Variants in SETD2 observed in about 807,000 individuals in gnomAD.
The protein encoded by SETD2 is histone-lysine N-methyltransferase SETD2.
SETD2 carries 31 observed loss-of-function variants against 242.1 expected under a neutral mutation model. That is an observed-to-expected ratio of 0.13 (90% CI 0.10 to 0.17). The LOEUF is 0.17. Among genes scored for constraint, SETD2 ranks in the 10% least tolerant of loss-of-function variants. SETD2 has a pLI of 1.00. For synonymous variants in SETD2, 1,006 were observed against 1,066.5 expected, an observed-to-expected ratio of 0.94 and a Z score of 1.11; for missense variants, 2,481 against 3,046.3, an observed-to-expected ratio of 0.81 and a Z score of 4.37.
chr3:47,138,712 C>T (rs1396891693), intron 1 of SETD2, among the ~76,000 whole-genome samples: 3 of 152,078 alleles, frequency 2.0e-5, no homozygotes, highest in African/African-American at 7.2e-5. Context: ...TGAGCCACCG[C>T]GCCCAGTCAA....
intron 1 of SETD2, among the ~76,000 whole-genome samples, chr3:47,132,007 A>G (rs763627569): frequency 6.6e-6 from 1 of 151,356 alleles, no homozygotes; most frequent in African/African-American, 2.4e-5. Context: ...TGAACTCCTG[A>G]CCTCGTGATC....
At chr3:47,149,967 C>G (rs2043944788) in intron 1 of SETD2, among the ~76,000 whole-genome samples, 1 of 147,940 alleles carries the variant, frequency 6.8e-6, no homozygotes, top group African/African-American at 2.5e-5. Context: ...ACAAAAGCCT[C>G]TATTTTTGGA....
At position 47,043,039 on chromosome 3, in the gene SETD2, A is replaced by G. The variant is rs545414411; in HGVS notation, c.7099-339T>C. 9.2e-5 allele frequency among the ~76,000 whole-genome samples: 14 copies of G among 151,870 alleles called. No individual in the cohort carries two copies. The South Asian group carries it at 2.5e-3, about 27-fold the overall frequency. On this transcript the variant is annotated intron_variant, in intron 16 of 20. Coordinates refer to ENST00000409792, the MANE Select transcript of SETD2 (RefSeq NM_014159.7). ...ATACAGAAATATCTTTATCTTTAAA[A>G]AAAAAAAAAAAGAAAAACCAAAAAA...
intron 1 of SETD2, among the ~76,000 whole-genome samples, chr3:47,135,381 C>T (rs1160825586): frequency 2.0e-5 from 3 of 152,130 alleles, no homozygotes; most frequent in Non-Finnish European, 4.4e-5. Flanking sequence ...CTCAAGCTGT[C>T]CTCCCACTTC....
chr3:47,056,975 T>C lies in SETD2; in HGVS notation c.6809A>G (p.Tyr2270Cys). The C allele has an allele frequency of 6.2e-7, 1 of 1,614,270 alleles. No homozygotes were observed. The highest frequency in any genetic ancestry group is 8.5e-7 in the Non-Finnish European group (1 of 1,180,046). Reference sequence around the variant, plus strand: ...CTGTTGGTTTGAATCCCAAACACTATAATTCTGTCCCTGAACTGGGCCGGG... The same window carrying C: ...CTGTTGGTTTGAATCCCAAACACTACAATTCTGTCCCTGAACTGGGCCGGG... ...PAPGPVQGQN[Y>C]SVWDSNQQSV... Residue 2270 changes from tyrosine (Y) to cysteine (C), a missense_variant, in exon 15 of 21, where the codon TAT (tyrosine) becomes TGT (cysteine). By Grantham distance (194) the Tyr-to-Cys change is radical. This residue lies in a region of SETD2 where 235 missense variants were observed against 293.9 expected (regional missense o/e 0.80). Transcript: ENST00000409792.
At chr3:47,078,488 T>C (rs1332518679) in intron 12 of SETD2, among the ~76,000 whole-genome samples, 1 of 147,004 alleles carries the variant, frequency 6.8e-6, no homozygotes, top group East Asian at 2.0e-4. Context: ...TACAACTCAA[T>C]TAATGTGTGC....
At chr3:47,080,778 T>C (rs920185764) in intron 12 of SETD2, 4 of 985,416 alleles carry the variant, frequency 4.1e-6, no homozygotes, top group East Asian at 1.1e-4. Flanking sequence ...CCTGTGTATA[T>C]AGGTATAGAA....
intron 12 of SETD2, among the ~76,000 whole-genome samples, chr3:47,068,787 G>A (rs1368395067): frequency 5.4e-5 from 8 of 147,436 alleles, no homozygotes; most frequent in African/African-American, 1.8e-4. Context: ...AAGCCACTGC[G>A]CCCGGCCTAT....
chr3:47,122,967 A>G lies in SETD2; in HGVS notation c.1669T>C (p.Ser557Pro), dbSNP rs745846357. 36 of 1,613,868 alleles carry G rather than the reference A, an allele frequency of 2.2e-5. No homozygotes were observed. Among genetic ancestry groups the G allele is most frequent in the Admixed American group, 5.0e-5 (3 of 59,988 alleles). ...KHDSSASRYK[S>P]TLSKPIPKSD... is the part of the protein sequence containing the mutation. ...TTGGGTATAGGTTTTGAAAGGGTAG[A>G]TTTATAACGGGAAGCACTACTGTCA... The change falls in exon 3 of 21, where the codon TCT becomes CCT. Residue 557 changes from serine to proline, a missense_variant. By Grantham distance (74) the Ser-to-Pro change is moderately conservative. Coordinates refer to ENST00000409792, the MANE Select transcript of SETD2 (RefSeq NM_014159.7).
rs879342445 is a variant in SETD2 at position 47,146,938 on chromosome 3, C to CA, written c.71+16915dup. Among the ~76,000 whole-genome samples the CA allele has an allele frequency of 8.4e-3, 931 of 111,348 alleles. 8 individuals carry two copies. The highest frequency in any genetic ancestry group is 0.024 in the African/African-American group (723 of 29,812). The allele number at this position is 111,348 out of a possible 152,430, so 73.0% of individuals were successfully genotyped here. Reference sequence around the variant, plus strand: ...AGGTGACAGAGTGAGACCCTGTCTTCAAAAAAAAAAAAAAATTCCTTCATA... The same window carrying CA: ...AGGTGACAGAGTGAGACCCTGTCTTCAAAAAAAAAAAAAAAATTCCTTCATA... On this transcript the variant is annotated intron_variant, in intron 1 of 20. Coordinates refer to ENST00000409792, the MANE Select transcript of SETD2 (RefSeq NM_014159.7).
intron 18 of SETD2, among the ~76,000 whole-genome samples, chr3:47,033,611 T>C (rs1473855364): frequency 6.6e-6 from 1 of 151,018 alleles, no homozygotes; most frequent in Admixed American, 6.6e-5. Context: ...TCTTAACACT[T>C]GCACTCAAGT....
chr3:47,151,764 T>C (rs1413232396), intron 1 of SETD2, among the ~76,000 whole-genome samples: 1 of 149,296 alleles, frequency 6.7e-6, no homozygotes, highest in African/African-American at 2.5e-5. Context: ...GAAGCGGAGG[T>C]TGCAGAGAGC....
At chr3:47,140,410 T>C (rs1399044287) in intron 1 of SETD2, among the ~76,000 whole-genome samples, 1 of 152,256 alleles carries the variant, frequency 6.6e-6, no homozygotes, top group Non-Finnish European at 1.5e-5. Flanking sequence ...TCCAGTAATT[T>C]TACTCATTAC....
chr3:47,136,005 A>C (rs2043582190), intron 1 of SETD2, among the ~76,000 whole-genome samples: 1 of 151,976 alleles, frequency 6.6e-6, no homozygotes, highest in Non-Finnish European at 1.5e-5. Context: ...ACTCCTCCTT[A>C]ATCTCATTTG....
chr3:47,148,110 TTTGTTG>T (rs144690368), intron 1 of SETD2, among the ~76,000 whole-genome samples: 88,374 of 148,720 alleles, frequency 0.59, 26,408 homozygotes, highest in East Asian at 0.68. Flanking sequence ...TTGGTTGTGT[TTTGTTG>T]TTGTTGTTGT....
In SETD2 at chr3:47,084,394, T is replaced by TAA; in HGVS notation, c.5398-14_5398-13dup. On this transcript the variant is annotated splice_polypyrimidine_tract_variant and intron_variant, in intron 11 of 20. Coordinates refer to ENST00000409792, the MANE Select transcript of SETD2 (RefSeq NM_014159.7). ...AAAGTCTTTATAATCTGATTAAACATAAAAAAAAATTACATCACTTTGTAC... is the reference window on the plus strand; with the variant it reads ...AAAGTCTTTATAATCTGATTAAACATAAAAAAAAAAATTACATCACTTTGTAC... 1 of 1,493,054 alleles carries TAA rather than the reference T, an allele frequency of 6.7e-7. No individual in the cohort carries two copies. Among genetic ancestry groups the TAA allele is most frequent in the Non-Finnish European group, 9.1e-7 (1 of 1,097,888 alleles). 92.5% of individuals were successfully genotyped at this position (1,493,054 alleles called of 1,614,324 possible). A position where few individuals can be genotyped will look rare whatever the true frequency, so the allele number is the denominator to read the frequency against.
At chr3:47,046,791 T>C (rs758817105) in intron 15 of SETD2, 170 bp from the exon 16 acceptor site, 6 of 435,668 alleles carry the variant, frequency 1.4e-5, no homozygotes, top group Non-Finnish European at 2.3e-5. Flanking sequence ...AACCCCAAAG[T>C]TTCTTTTTTT....
chr3:47,074,951 C>A (rs1157494732), intron 12 of SETD2, among the ~76,000 whole-genome samples: 2 of 151,936 alleles, frequency 1.3e-5, no homozygotes, highest in African/African-American at 4.8e-5. Flanking sequence ...CTGGCTAACA[C>A]GGTGAAACCC....
At chr3:47,080,497 T>C (rs1476321594) in intron 12 of SETD2, among the ~76,000 whole-genome samples, 1 of 152,220 alleles carries the variant, frequency 6.6e-6, no homozygotes, top group African/African-American at 2.4e-5. Flanking sequence ...TGAATGAAGA[T>C]ATTCCAGTCA....
Sources: gnomAD v4.1 joint callset for allele counts (sites outside exome capture counted in the v4.1 genomes callset) on GRCh38, gnomAD v4.1.1 for gene constraint, gnomAD v4.1.1 regional missense constraint, MANE v1.5 for transcripts, NCBI Gene and HGNC (gene_info 2026-07-23, HGNC 2026-07-21) for gene names.